Variants in DNAJC8 observed in about 807,000 individuals in gnomAD.
The protein encoded by DNAJC8 is DnaJ heat shock protein family (Hsp40) member C8.
In DNAJC8, 24 loss-of-function variants were observed where a neutral mutation model predicts 43.2. The ratio of observed to expected loss-of-function variants is 0.56; its 90% CI spans 0.40 to 0.78. DNAJC8 has a LOEUF of 0.78. Among genes scored for constraint, DNAJC8 ranks in the 30% least tolerant of loss-of-function variants. The pLI is 0.00. For synonymous variants in DNAJC8, 83 were observed against 98.0 expected (o/e 0.85, Z 0.90); for missense variants, 207 against 299.4 (o/e 0.69, Z 2.28).
At chr1:28,227,330 A>G (rs2149024448) in intron 2 of DNAJC8, among the ~76,000 whole-genome samples, 1 of 148,216 alleles carries the variant, frequency 6.7e-6, no homozygotes, top group Non-Finnish European at 1.5e-5. Flanking sequence ...AAACACTTGA[A>G]TCTGGGAGGC....
intron 2 of DNAJC8, among the ~76,000 whole-genome samples, chr1:28,223,981 G>C (rs914590931): frequency 6.6e-6 from 1 of 152,092 alleles, no homozygotes; most frequent in East Asian, 1.9e-4. Flanking sequence ...GTTAATTCCA[G>C]GCTGGGTCAG....
rs1419372233 is a variant in DNAJC8, at chr1:28,210,520, G to T, written c.304+51C>A. On this transcript the variant is annotated intron_variant, in intron 4 of 8. Transcript: ENST00000263697. ...CTTGATCTAGGACAAGGAACAGTTA[G>T]GCCCTGCCATTCACAATCTAATACT... The T allele has an allele frequency of 2.7e-6, 4 of 1,484,246 alleles. No homozygotes were observed. The African/African-American group carries it at 4.2e-5, about 15-fold the overall frequency. 91.9% of individuals were successfully genotyped at this position (1,484,246 alleles called of 1,614,324 possible). A position where few individuals can be genotyped will look rare whatever the true frequency, so the allele number is the denominator to read the frequency against.
chr1:28,225,363 T>C (rs1646927125), intron 2 of DNAJC8, among the ~76,000 whole-genome samples: 1 of 151,452 alleles, frequency 6.6e-6, no homozygotes, highest in African/African-American at 2.4e-5. Context: ...TAATCTGAGA[T>C]TATTTATAAA....
At chr1:28,218,671 C>A (rs1299675564) in intron 2 of DNAJC8, among the ~76,000 whole-genome samples, 1 of 151,362 alleles carries the variant, frequency 6.6e-6, no homozygotes, top group Non-Finnish European at 1.5e-5. Flanking sequence ...TTTGGGAGGC[C>A]AAGGCAGGGA....
At chr1:28,208,236 G>C in intron 6 of DNAJC8, 106 bp downstream of exon 6, 2 of 691,764 alleles carry the variant, frequency 2.9e-6, no homozygotes, top group Non-Finnish European at 4.5e-6. Context: ...ATAAATAAAT[G>C]TGAAATAGCA....
At chr1:28,227,838 G>A (rs1276246325) in intron 2 of DNAJC8, among the ~76,000 whole-genome samples, 1 of 152,082 alleles carries the variant, frequency 6.6e-6, no homozygotes, top group Admixed American at 6.6e-5. Context: ...AACAGGAGTG[G>A]CTATTTCTCT....
At chr1:28,207,911 A>G (rs1646781028) in intron 6 of DNAJC8, among the ~76,000 whole-genome samples, 1 of 152,026 alleles carries the variant, frequency 6.6e-6, no homozygotes, top group African/African-American at 2.4e-5. Flanking sequence ...CAAAAAAATT[A>G]GCCAGAGGCC....
intron 1 of DNAJC8, chr1:28,230,239 T>C (rs1011223933): frequency 1.3e-5 from 2 of 152,210 alleles, no homozygotes; most frequent in Non-Finnish European, 2.9e-5. Flanking sequence ...GTATGCTATA[T>C]GCCATCTTTA....
intron 2 of DNAJC8, among the ~76,000 whole-genome samples, chr1:28,218,711 G>A (rs1291295501): frequency 6.6e-6 from 1 of 151,692 alleles, no homozygotes. Context: ...TTTGAGACAG[G>A]CCTGGCCAAC....
chr1:28,209,933 G>C, intron 5 of DNAJC8, 39 bp downstream of exon 5: 1 of 1,593,142 alleles, frequency 6.3e-7, no homozygotes, highest in South Asian at 1.1e-5. Flanking sequence ...AAGGCTTGCT[G>C]ATACTTCCTG....
chr1:28,230,988 T>C lies in DNAJC8; in HGVS notation c.78+1933A>G, dbSNP rs533222983. On this transcript the variant is annotated intron_variant, in intron 1 of 8. Coordinates refer to ENST00000263697, the MANE Select transcript of DNAJC8 (RefSeq NM_014280.3). ...CAGAGGTCCCATCTTCTGCCTTGTT[T>C]AACCCTGAGAAAGATGCTTCTGCTT... Among the ~76,000 whole-genome samples, 4 of 152,370 alleles carry C rather than the reference T, an allele frequency of 2.6e-5. No individual in the cohort carries two copies. The East Asian group carries it at 5.8e-4, about 22-fold the overall frequency.
intron 1 of DNAJC8, 138 bp downstream of exon 1, chr1:28,232,783 C>T (rs868583439): frequency 8.0e-6 from 7 of 872,514 alleles, no homozygotes; most frequent in South Asian, 6.5e-5. Flanking sequence ...TCACACACCC[C>T]CAGACCCCCG....
intron 2 of DNAJC8, among the ~76,000 whole-genome samples, chr1:28,217,861 T>C (rs746548399): frequency 6.6e-6 from 1 of 151,966 alleles, no homozygotes; most frequent in Admixed American, 6.6e-5. Flanking sequence ...ATTTGGGGAT[T>C]ACAACATGAT....
chr1:28,203,992 C>G (rs1046987712), intron 7 of DNAJC8, among the ~76,000 whole-genome samples, 170 bp from the exon 8 acceptor site: 1 of 152,162 alleles, frequency 6.6e-6, no homozygotes, highest in Non-Finnish European at 1.5e-5. Context: ...ATGTCTCATT[C>G]TAAAACACGC....
At chr1:28,226,230 G>C (rs1448432401) in intron 2 of DNAJC8, among the ~76,000 whole-genome samples, 1 of 151,172 alleles carries the variant, frequency 6.6e-6, no homozygotes, top group Non-Finnish European at 1.5e-5. Flanking sequence ...AAAGATCTGG[G>C]TGTGGTGGCT....
chr1:28,218,778 G>C (rs2149020377), intron 2 of DNAJC8, among the ~76,000 whole-genome samples: 1 of 152,194 alleles, frequency 6.6e-6, no homozygotes, highest in Middle Eastern at 3.4e-3. Flanking sequence ...GGTGGTGCAT[G>C]AAAATGAGAA....
intron 2 of DNAJC8, among the ~76,000 whole-genome samples, chr1:28,219,841 T>C (rs1450877213): frequency 6.6e-6 from 1 of 152,166 alleles, no homozygotes; most frequent in East Asian, 1.9e-4. Context: ...CATGCCCAGC[T>C]AATTTTTTGT....
At chr1:28,224,620 C>A (rs1646921154) in intron 2 of DNAJC8, among the ~76,000 whole-genome samples, 1 of 151,980 alleles carries the variant, frequency 6.6e-6, no homozygotes, top group African/African-American at 2.4e-5. Context: ...TGGTGGCTCA[C>A]GCCTGAAATC....
chr1:28,224,809 G>A (rs533048759), intron 2 of DNAJC8, among the ~76,000 whole-genome samples: 2 of 152,210 alleles, frequency 1.3e-5, no homozygotes, highest in South Asian at 4.1e-4. Context: ...ACTTGAACCC[G>A]TGAGGCGGAG....
Sources: gnomAD v4.1 joint callset for allele counts (sites outside exome capture counted in the v4.1 genomes callset) on GRCh38, gnomAD v4.1.1 for gene constraint, MANE v1.5 for transcripts, NCBI Gene and HGNC (gene_info 2026-07-23, HGNC 2026-07-21) for gene names.